The following GCC2 variants were observed in gnomAD, a reference collection of about 807,000 sequenced individuals.
GCC2 encodes GRIP and coiled-coil domain containing 2.
Under a neutral mutation model 210.6 loss-of-function variants are expected in GCC2, and 120 were observed. That is an observed-to-expected ratio of 0.57 (90% CI 0.49 to 0.66). The LOEUF (loss-of-function observed/expected upper bound fraction) is 0.66. GCC2 is among the 30% of genes least tolerant of loss of function. GCC2 has a pLI of 0.00. For synonymous variants in GCC2, 703 were observed against 652.7 expected (o/e 1.08, Z -1.17); for missense variants, 1,868 against 1,871.9 (o/e 1.00, Z 0.04).
chr2:108,493,822 C>A, intron 19 of GCC2: 1 of 985,342 alleles, frequency 1.0e-6, no homozygotes, highest in South Asian at 4.7e-5. Flanking sequence ...AAAGGTCGCA[C>A]AAGAGATTGT....
intron 9 of GCC2, among the ~76,000 whole-genome samples, chr2:108,477,749 T>C (rs1453907788): frequency 1.3e-5 from 2 of 152,254 alleles, no homozygotes; most frequent in Admixed American, 6.5e-5. Context: ...TTTCAAACTT[T>C]AGATACTAAA....
intron 4 of GCC2, 36 bp from the exon 5 acceptor site, chr2:108,468,944 T>G: frequency 7.2e-7 from 1 of 1,387,648 alleles, no homozygotes; most frequent in Non-Finnish European, 1.0e-6. Flanking sequence ...TCCACCATTT[T>G]TTAACCCCAG....
At chr2:108,505,384 T>C (rs1311609304) in intron 22 of GCC2, among the ~76,000 whole-genome samples, 1 of 152,218 alleles carries the variant, frequency 6.6e-6, no homozygotes, top group African/African-American at 2.4e-5. Flanking sequence ...GAAGACAGAC[T>C]TCTCAGAATT....
At chr2:108,455,651 GTCT>G (rs1558727876) in intron 4 of GCC2, among the ~76,000 whole-genome samples, 3 of 152,090 alleles carry the variant, frequency 2.0e-5, no homozygotes, top group Non-Finnish European at 2.9e-5. Flanking sequence ...TACATTTCAA[GTCT>G]TCTGGCTATT....
Position 108,470,636 on chromosome 2 carries a change from A to G in GCC2, c.1307A>G (p.Glu436Gly). ...VQSLKEQHQKEISELNETFLS... is the reference protein window; with the variant it reads ...VQSLKEQHQKGISELNETFLS... ...AGTCTTAAGGAACAACATCAAAAAG[A>G]AATATCAGAACTAAATGAGACATTT... is the stretch of plus-strand genomic sequence containing the variant. Residue 436 changes from glutamate (E) to glycine (G), a missense_variant, in exon 6 of 23, where the codon GAA becomes GGA. Transcript: ENST00000309863. 1 of 1,612,568 alleles carries G rather than the reference A, an allele frequency of 6.2e-7. No homozygotes were observed. Among genetic ancestry groups the G allele is most frequent in the South Asian group, 1.1e-5 (1 of 90,900 alleles).
At chr2:108,500,496 G>A (rs1470411310) in intron 22 of GCC2, among the ~76,000 whole-genome samples, 5 of 152,132 alleles carry the variant, frequency 3.3e-5, no homozygotes, top group African/African-American at 1.2e-4. Context: ...ACGGCAGAGC[G>A]AGACTCCATC....
intron 22 of GCC2, among the ~76,000 whole-genome samples, chr2:108,501,293 G>GT (rs1170366261): frequency 6.6e-5 from 10 of 151,852 alleles, no homozygotes; most frequent in Admixed American, 3.3e-4. Flanking sequence ...CCATTTTGTT[G>GT]TTTTTTTATC....
Position 108,482,310 on chromosome 2 carries a change from TGAA to T in GCC2, c.3207_3209del (p.Glu1069del), listed in dbSNP as rs1319298198. ...AGTGTGAAACAATAAATTCTGATAATGAAGATCTCCTGGCTCGTATTGAGACAT... is the reference window on the plus strand; with the variant it reads ...AGTGTGAAACAATAAATTCTGATAATGATCTCCTGGCTCGTATTGAGACAT... On this transcript the variant is annotated inframe_deletion, in exon 11 of 23. Transcript: ENST00000309863. 6.3e-7 allele frequency: 1 copy of T among 1,579,934 alleles called. No individual in the cohort carries two copies. Among genetic ancestry groups the T allele is most frequent in the Admixed American group, 1.8e-5 (1 of 54,994 alleles).
At chr2:108,459,778 T>TTTTTA (rs1334925204) in intron 4 of GCC2, among the ~76,000 whole-genome samples, 1 of 121,362 alleles carries the variant, frequency 8.2e-6, no homozygotes, top group African/African-American at 3.2e-5. Context: ...TTTTTTTTTT[T>TTTTTA]ACTATTTTTG....
chr2:108,485,805 A>C (rs762507848), intron 14 of GCC2, 26 bp from the exon 15 acceptor site: 1 of 1,503,926 alleles, frequency 6.6e-7, no homozygotes, highest in Non-Finnish European at 9.1e-7. Context: ...ATTAAAAAAA[A>C]TTTAACCAAG....
intron 9 of GCC2, among the ~76,000 whole-genome samples, chr2:108,477,449 T>C (rs1558745744): frequency 6.6e-6 from 1 of 152,174 alleles, no homozygotes; most frequent in African/African-American, 2.4e-5. Flanking sequence ...AGACTCCGAT[T>C]TCTTAAGAGA....
intron 9 of GCC2, among the ~76,000 whole-genome samples, chr2:108,480,391 C>T (rs377680396): frequency 4.6e-5 from 7 of 152,250 alleles, no homozygotes; most frequent in East Asian, 3.9e-4. Flanking sequence ...CCAGCAATCC[C>T]GTTACTGGGT....
In GCC2 at chr2:108,470,073, C is replaced by A; in HGVS notation, c.744C>A (p.His248Gln). 6.2e-7 allele frequency: 1 copy of A among 1,613,558 alleles called. No homozygotes were observed. The highest frequency in any genetic ancestry group is 8.5e-7 in the Non-Finnish European group (1 of 1,179,716). ...AGCTTTTACAGTTGAAAGCTATACA[C>A]CAAGAAGAGGTGAAAGAGTTGATGT... ...QEELLQLKAI[H>Q]QEEVKELMCQ... The change falls in exon 6 of 23, where the codon CAC becomes CAA. Residue 248 changes from histidine to glutamine, a missense_variant. By Grantham distance (24) the His-to-Gln change is conservative. This residue lies in a region of GCC2 where 1,847 missense variants were observed against 1,765.2 expected (regional missense o/e 1.05). Coordinates refer to ENST00000309863, the MANE Select transcript of GCC2 (RefSeq NM_181453.4).
chr2:108,477,994 G>A (rs975798792), intron 9 of GCC2, among the ~76,000 whole-genome samples: 4 of 152,122 alleles, frequency 2.6e-5, no homozygotes, highest in African/African-American at 9.7e-5. Flanking sequence ...TGCAGTGAGC[G>A]GAGATTGTAC....
At chr2:108,452,949 C>T (rs1680034353) in intron 4 of GCC2, among the ~76,000 whole-genome samples, 1 of 152,184 alleles carries the variant, frequency 6.6e-6, no homozygotes, top group African/African-American at 2.4e-5. Flanking sequence ...GCCTCAGCCT[C>T]CCAAAGTGCT....
chr2:108,485,424 G>T (rs1041270877), intron 13 of GCC2, among the ~76,000 whole-genome samples: 16 of 152,026 alleles, frequency 1.1e-4, no homozygotes, highest in South Asian at 2.1e-4. Flanking sequence ...AACTAAGATT[G>T]TCTATGGGTT....
At chr2:108,453,797 A>C (rs1346484995) in intron 4 of GCC2, among the ~76,000 whole-genome samples, 2 of 151,650 alleles carry the variant, frequency 1.3e-5, no homozygotes, top group African/African-American at 4.8e-5. Flanking sequence ...AAAAAAAAAA[A>C]AAAAACACAA....
At chr2:108,458,355 G>A (rs1446534430) in intron 4 of GCC2, among the ~76,000 whole-genome samples, 7 of 148,918 alleles carry the variant, frequency 4.7e-5, no homozygotes, top group Non-Finnish European at 8.9e-5. Flanking sequence ...TGTTCATCAG[G>A]GATATTGGTT....
At chr2:108,505,160 A>AT (rs1339644863) in intron 22 of GCC2, among the ~76,000 whole-genome samples, 1 of 152,202 alleles carries the variant, frequency 6.6e-6, no homozygotes, top group Non-Finnish European at 1.5e-5. Flanking sequence ...ACACAGCAAA[A>AT]TTTTTGTCAA....
Sources: allele counts gnomAD v4.1 joint callset (sites outside exome capture counted in the v4.1 genomes callset), GRCh38; gene constraint gnomAD v4.1.1; regional missense constraint gnomAD v4.1.1; transcripts MANE v1.5; gene names NCBI Gene and HGNC (gene_info 2026-07-23, HGNC 2026-07-21).